The following DCHS2 variants were observed in gnomAD, a reference collection of about 807,000 sequenced individuals.
DCHS2 encodes the protein protocadherin-23.
Under a neutral mutation model 182.4 loss-of-function variants are expected in DCHS2, and 142 were observed. That is an observed-to-expected ratio of 0.78 (90% CI 0.68 to 0.89). The LOEUF is 0.89. Ranked by LOEUF, DCHS2 falls within the 40% of genes least tolerant of loss-of-function variation. The pLI is 0.00. For missense variants in DCHS2, 4,319 were observed against 4,198.6 expected (o/e 1.03, Z -0.79); for synonymous variants, 1,740 against 1,663.3 (o/e 1.05, Z -1.12).
At chr4:154,251,818 C>G (rs1175117820) in intron 16 of DCHS2, among the ~76,000 whole-genome samples, 1 of 152,166 alleles carries the variant, frequency 6.6e-6, no homozygotes, top group African/African-American at 2.4e-5. Context: ...TGCACCTGGC[C>G]AGGACTCGAT....
At position 154,434,024 on chromosome 4, in the gene DCHS2, G is replaced by C. The variant is rs1358455357; in HGVS notation, c.2052+55280C>G. On this transcript the variant is annotated intron_variant, in intron 1 of 19. Transcript: ENST00000357232. Reference sequence around the variant, plus strand: ...GTGCATATGATGATAGATGAAGATAGTCAATCCAAATATCAGTCATAGACA... The same window carrying C: ...GTGCATATGATGATAGATGAAGATACTCAATCCAAATATCAGTCATAGACA... 3.9e-5 allele frequency among the ~76,000 whole-genome samples: 6 copies of C among 152,222 alleles called. No individual in the cohort carries two copies. In the South Asian group the frequency reaches 1.2e-3, roughly 32 times the overall value.
Position 154,320,827 on chromosome 4 carries a change from G to A in DCHS2, c.4572C>T (p.Pro1524=). The A allele has an allele frequency of 1.2e-6, 2 of 1,614,004 alleles. No homozygotes were observed. Among genetic ancestry groups the A allele is most frequent in the Non-Finnish European group, 1.7e-6 (2 of 1,179,986 alleles). Residue 1524 remains proline (P), a synonymous_variant, in exon 9 of 20, where the codon CCC becomes CCT. Coordinates refer to ENST00000357232, the MANE Select transcript of DCHS2 (RefSeq NM_001358235.2). Reference sequence around the variant, plus strand: ...TGAAGACATACACCAGGGTTCCTATGGGAACATTCTCCTCTACACTGATCA... The same window carrying A: ...TGAAGACATACACCAGGGTTCCTATAGGAACATTCTCCTCTACACTGATCA... ...LIVISVEENV[P]IGTLVYVFNA...
intron 1 of DCHS2, among the ~76,000 whole-genome samples, chr4:154,400,265 T>C (rs1732110896): frequency 7.6e-6 from 1 of 131,430 alleles, no homozygotes; most frequent in Admixed American, 9.8e-5. Context: ...ATTGCGCCAC[T>C]GCACTCCAGC....
intron 1 of DCHS2, among the ~76,000 whole-genome samples, chr4:154,480,305 A>T (rs1435807880): frequency 6.6e-6 from 1 of 152,230 alleles, no homozygotes; most frequent in Non-Finnish European, 1.5e-5. Flanking sequence ...AACAATTGCT[A>T]ATTCTGCACA....
At chr4:154,473,983 A>G (rs1426604105) in intron 1 of DCHS2, among the ~76,000 whole-genome samples, 1 of 152,176 alleles carries the variant, frequency 6.6e-6, no homozygotes, top group Non-Finnish European at 1.5e-5. Context: ...AGAAATCTTA[A>G]ATCTGAGCCG....
At chr4:154,371,819 AACTC>A (rs1730659250) in intron 2 of DCHS2, among the ~76,000 whole-genome samples, 1 of 152,080 alleles carries the variant, frequency 6.6e-6, no homozygotes, top group Non-Finnish European at 1.5e-5. Context: ...ATCTCATGAG[AACTC>A]ACTCACTATC....
At chr4:154,418,551 A>G (rs1732968054) in intron 1 of DCHS2, among the ~76,000 whole-genome samples, 2 of 152,234 alleles carry the variant, frequency 1.3e-5, no homozygotes, top group Non-Finnish European at 2.9e-5. Context: ...TTATTTCAGA[A>G]GAGCCAATGT....
chr4:154,345,232 C>T (rs1223930307), intron 3 of DCHS2, among the ~76,000 whole-genome samples: 6 of 152,218 alleles, frequency 3.9e-5, no homozygotes, highest in African/African-American at 9.6e-5. Context: ...TTAGTTCCCC[C>T]AGCCTAGGGG....
chr4:154,277,631 A>T (rs1395903253), intron 13 of DCHS2, among the ~76,000 whole-genome samples: 1 of 37,844 alleles, frequency 2.6e-5, no homozygotes, highest in African/African-American at 1.1e-4. Flanking sequence ...AAATCACACC[A>T]AAAAAAAAAA....
At chr4:154,283,424 C>A (rs1734246031) in intron 13 of DCHS2, among the ~76,000 whole-genome samples, 2 of 138,202 alleles carry the variant, frequency 1.4e-5, no homozygotes, top group African/African-American at 2.7e-5. Context: ...ATAGAGAAGC[C>A]AGAAAACTGC....
At chr4:154,431,332 TA>T (rs1355714189) in intron 1 of DCHS2, among the ~76,000 whole-genome samples, 3 of 152,152 alleles carry the variant, frequency 2.0e-5, no homozygotes, top group Non-Finnish European at 4.4e-5. Context: ...ACTTATTTCA[TA>T]AAGAAAACAT....
intron 1 of DCHS2, among the ~76,000 whole-genome samples, chr4:154,473,981 T>G (rs4696581): frequency 0.92 from 139,694 of 152,194 alleles, 65,329 homozygotes; most frequent in East Asian, 1. Context: ...ACAGAAATCT[T>G]AAATCTGAGC....
chr4:154,426,297 C>T (rs1733322388), intron 1 of DCHS2, among the ~76,000 whole-genome samples: 1 of 152,172 alleles, frequency 6.6e-6, no homozygotes, highest in African/African-American at 2.4e-5. Flanking sequence ...TAGTGGCAGA[C>T]AGTGTAAGGC....
chr4:154,422,229 C>A (rs1733142037), intron 1 of DCHS2, among the ~76,000 whole-genome samples: 1 of 152,134 alleles, frequency 6.6e-6, no homozygotes, highest in African/African-American at 2.4e-5. Flanking sequence ...TGATCTCAAG[C>A]CCATACGATG....
chr4:154,341,019 G>C (rs6815049), intron 3 of DCHS2, among the ~76,000 whole-genome samples: 1 of 151,954 alleles, frequency 6.6e-6, no homozygotes, highest in Non-Finnish European at 1.5e-5. Context: ...GAATTTATGT[G>C]GGGGGAGAAT....
At chr4:154,448,365 G>A in intron 1 of DCHS2, among the ~76,000 whole-genome samples, 1 of 152,130 alleles carries the variant, frequency 6.6e-6, no homozygotes, top group East Asian at 1.9e-4. Context: ...TATGAAAGCT[G>A]GATGTATGAT....
intron 16 of DCHS2, among the ~76,000 whole-genome samples, chr4:154,253,650 A>G (rs1035851606): frequency 1.3e-4 from 20 of 152,216 alleles, no homozygotes; most frequent in African/African-American, 4.8e-4. Flanking sequence ...ACCAATAGCT[A>G]TTATGCTAAA....
intron 2 of DCHS2, among the ~76,000 whole-genome samples, chr4:154,372,849 GA>G (rs945269381): frequency 1.3e-5 from 2 of 152,114 alleles, no homozygotes; most frequent in East Asian, 3.8e-4. Context: ...TGACTCAGTT[GA>G]AAAAATATTG....
At chr4:154,249,562 T>G (rs896019359) in intron 16 of DCHS2, among the ~76,000 whole-genome samples, 1 of 152,158 alleles carries the variant, frequency 6.6e-6, no homozygotes, top group African/African-American at 2.4e-5. Context: ...GCAATCCTAT[T>G]GCTGGGTATA....
Sources: gnomAD v4.1 joint callset for allele counts (sites outside exome capture counted in the v4.1 genomes callset) on GRCh38, gnomAD v4.1.1 for gene constraint, MANE v1.5 for transcripts, NCBI Gene and HGNC (gene_info 2026-07-23, HGNC 2026-07-21) for gene names.